PCDHGA12: variants seen among roughly 807,000 people sequenced by gnomAD.
PCDHGA12 encodes the protein protocadherin gamma-A12.
Under a neutral mutation model 61.1 loss-of-function variants are expected in PCDHGA12, and 43 were observed. The ratio of observed to expected loss-of-function variants is 0.70; its 90% CI spans 0.55 to 0.91. The LOEUF is 0.91. PCDHGA12 is among the 40% of genes least tolerant of loss of function. PCDHGA12 has a pLI of 0.00. For missense variants in PCDHGA12, 1,236 were observed against 1,227.7 expected, an observed-to-expected ratio of 1.01 and a Z score of -0.10; for synonymous variants, 520 against 542.9, an observed-to-expected ratio of 0.96 and a Z score of 0.59.
intron 1 of PCDHGA12, among the ~76,000 whole-genome samples, chr5:141,450,815 A>ATTATTAT (rs1554136868): frequency 7.9e-6 from 1 of 126,684 alleles, no homozygotes; most frequent in African/African-American, 3.3e-5. Context: ...TATTTATTTA[A>ATTATTAT]TATTATTATT....
At chr5:141,457,071 C>T in intron 1 of PCDHGA12, among the ~76,000 whole-genome samples, 1 of 152,188 alleles carries the variant, frequency 6.6e-6, no homozygotes, top group Non-Finnish European at 1.5e-5. Context: ...TTGCCAGTAA[C>T]TATTATCCCT....
intron 1 of PCDHGA12, chr5:141,492,036 T>A: frequency 1.9e-6 from 1 of 536,866 alleles, no homozygotes; most frequent in Non-Finnish European, 3.2e-6. Flanking sequence ...GAGGAGGCAG[T>A]CACAGATCCA....
intron 1 of PCDHGA12, among the ~76,000 whole-genome samples, chr5:141,466,540 G>T (rs1302720337): frequency 6.6e-6 from 1 of 152,094 alleles, no homozygotes; most frequent in Non-Finnish European, 1.5e-5. Context: ...GATGTAGATG[G>T]TCTTTTGCTG....
chr5:141,476,756 C>T lies in PCDHGA12; in HGVS notation c.2425-18051C>T. On this transcript the variant is annotated intron_variant, in intron 1 of 3. Transcript: ENST00000252085. The surrounding 1 kb of genome is among the most constrained non-coding windows in gnomAD (Gnocchi z 7.6). ...ACGGGAGCCTAGTCTCCAGTTAGTGCTGACGGCGTTGGACGGAGGGACCCC... is the reference window on the plus strand; with the variant it reads ...ACGGGAGCCTAGTCTCCAGTTAGTGTTGACGGCGTTGGACGGAGGGACCCC... 3 of 1,613,928 alleles carry T rather than the reference C, an allele frequency of 1.9e-6. No homozygotes were observed. Among genetic ancestry groups the T allele is most frequent in the Non-Finnish European group, 2.5e-6 (3 of 1,180,010 alleles).
At position 141,431,215 on chromosome 5, in the gene PCDHGA12, C is replaced by G. The variant is rs1225114172; in HGVS notation, c.456C>G (p.Phe152Leu). 1 of 1,614,184 alleles carries G rather than the reference C, an allele frequency of 6.2e-7. No individual in the cohort carries two copies. Among genetic ancestry groups the G allele is most frequent in the Admixed American group, 1.7e-5 (1 of 60,032 alleles). The change falls in exon 1 of 4, where the codon TTC becomes TTG. Residue 152 changes from phenylalanine (F) to leucine (L), a missense_variant. Physicochemically the swap from Phe to Leu is conservative, Grantham distance 22. Coordinates refer to ENST00000252085, the MANE Select transcript of PCDHGA12 (RefSeq NM_003735.3). This position sits in a 1 kb window ranked among gnomAD's most constrained non-coding sequence, Gnocchi z 4.8. ...AAAATGCAGCCACTGAGATGCGGTTCCCTCTACCCCACGCCTGGGATCCGG... is the reference window on the plus strand; with the variant it reads ...AAAATGCAGCCACTGAGATGCGGTTGCCTCTACCCCACGCCTGGGATCCGG... ...ISENAATEMR[F>L]PLPHAWDPDI...
At chr5:141,469,896 C>T (rs934040636) in intron 1 of PCDHGA12, among the ~76,000 whole-genome samples, 4 of 152,074 alleles carry the variant, frequency 2.6e-5, no homozygotes, top group Admixed American at 6.5e-5. Context: ...TTTGGGAAGC[C>T]GAGGCAGGCA....
At chr5:141,461,861 T>C (rs1445632008) in intron 1 of PCDHGA12, among the ~76,000 whole-genome samples, 8 of 152,182 alleles carry the variant, frequency 5.3e-5, no homozygotes, top group Middle Eastern at 3.4e-3. Flanking sequence ...TTTGCTCTTG[T>C]TGCCCAGGCT....
Position 141,432,485 on chromosome 5 carries a change from G to C in PCDHGA12, c.1726G>C (p.Glu576Gln). 6.2e-7 allele frequency: 1 copy of C among 1,614,186 alleles called. No individual in the cohort carries two copies. The highest frequency in any genetic ancestry group is 8.5e-7 in the Non-Finnish European group (1 of 1,180,040). Residue 576 changes from glutamate to glutamine, a missense_variant, in exon 1 of 4, where the codon GAG (glutamate) becomes CAG (glutamine). Glu to Gln is a conservative substitution (Grantham distance 29). Coordinates refer to ENST00000252085, the MANE Select transcript of PCDHGA12 (RefSeq NM_003735.3). The surrounding 1 kb of genome is among the most constrained non-coding windows in gnomAD (Gnocchi z 6.0). ...CCCCACGGACGGTTCCACTGGCGTG[G>C]AGCTGGCTCCCCGCTCCGCAGAGCC... ...ALPTDGSTGV[E>Q]LAPRSAEPGY...
chr5:141,476,656 T>C lies in PCDHGA12; in HGVS notation c.2425-18151T>C. 1 of 1,614,210 alleles carries C rather than the reference T, an allele frequency of 6.2e-7. No individual in the cohort carries two copies. Among genetic ancestry groups the C allele is most frequent in the Non-Finnish European group, 8.5e-7 (1 of 1,180,044 alleles). On this transcript the variant is annotated intron_variant, in intron 1 of 3. Coordinates refer to ENST00000252085, the MANE Select transcript of PCDHGA12 (RefSeq NM_003735.3). This position sits in a 1 kb window ranked among gnomAD's most constrained non-coding sequence, Gnocchi z 7.6. ...ATGAGCTGAGCCGAAATGAATACTT[T>C]GCGCTTCGCGTGCAGACGCGGGAGG...
rs141514361 is a variant in PCDHGA12, at chr5:141,494,629, A to G, written c.2425-178A>G. 4,666 of 858,664 alleles carry G rather than the reference A, an allele frequency of 5.4e-3. 23 individuals are homozygous for G. Among genetic ancestry groups the G allele is most frequent in the Admixed American group, 0.011 (170 of 16,094 alleles). 53.2% of individuals were successfully genotyped at this position (858,664 alleles called of 1,614,324 possible). On this transcript the variant is annotated intron_variant, in intron 1 of 3. Coordinates refer to ENST00000252085, the MANE Select transcript of PCDHGA12 (RefSeq NM_003735.3). ...TATCTCTTGGTTTCTGGTACCTCAGACCTCTGAGACCTGAGGTGTATTTTG... is the reference window on the plus strand; with the variant it reads ...TATCTCTTGGTTTCTGGTACCTCAGGCCTCTGAGACCTGAGGTGTATTTTG...
chr5:141,490,565 T>C lies in PCDHGA12; in HGVS notation c.2425-4242T>C. ...CTACACAAACATCTCACCATCAGGC[T>C]CAACATTTCAGATGTCAATGACAAT... On this transcript the variant is annotated intron_variant, in intron 1 of 3. Coordinates refer to ENST00000252085, the MANE Select transcript of PCDHGA12 (RefSeq NM_003735.3). This position sits in a 1 kb window ranked among gnomAD's most constrained non-coding sequence, Gnocchi z 5.4. 8 of 1,614,116 alleles carry C rather than the reference T, an allele frequency of 5.0e-6. No individual in the cohort carries two copies. Among genetic ancestry groups the C allele is most frequent in the Non-Finnish European group, 6.8e-6 (8 of 1,180,024 alleles).
Position 141,476,160 on chromosome 5 carries a change from G to A in PCDHGA12, c.2425-18647G>A, listed in dbSNP as rs781765205. 4.3e-6 allele frequency: 7 copies of A among 1,612,858 alleles called. No homozygotes were observed. The highest frequency in any genetic ancestry group is 5.9e-6 in the Non-Finnish European group (7 of 1,179,926). On this transcript the variant is annotated intron_variant, in intron 1 of 3. Coordinates refer to ENST00000252085, the MANE Select transcript of PCDHGA12 (RefSeq NM_003735.3). This position sits in a 1 kb window ranked among gnomAD's most constrained non-coding sequence, Gnocchi z 7.6. ...AGGAGCGGACTGGTAAGCACCGGGA[G>A]GGTAGTGGGAGTTTTGCTTCTGCTT...
In PCDHGA12 at chr5:141,476,178, T is replaced by G; in HGVS notation, c.2425-18629T>G. Reference sequence around the variant, plus strand: ...ACCGGGAGGGTAGTGGGAGTTTTGCTTCTGCTTGGTGCCTTGAACAAGGCT... The same window carrying G: ...ACCGGGAGGGTAGTGGGAGTTTTGCGTCTGCTTGGTGCCTTGAACAAGGCT... On this transcript the variant is annotated intron_variant, in intron 1 of 3. Transcript: ENST00000252085. This position sits in a 1 kb window ranked among gnomAD's most constrained non-coding sequence, Gnocchi z 7.6. The G allele has an allele frequency of 3.1e-6, 5 of 1,613,632 alleles. No homozygotes were observed. Among genetic ancestry groups the G allele is most frequent in the Non-Finnish European group, 4.2e-6 (5 of 1,180,000 alleles).
At chr5:141,448,748 G>A (rs1476665217) in intron 1 of PCDHGA12, among the ~76,000 whole-genome samples, 1 of 151,980 alleles carries the variant, frequency 6.6e-6, no homozygotes, top group Admixed American at 6.6e-5. Context: ...AGACCATCCT[G>A]GCTAACACGG....
intron 1 of PCDHGA12, among the ~76,000 whole-genome samples, chr5:141,443,082 C>A (rs958408385): frequency 6.6e-6 from 1 of 151,624 alleles, no homozygotes; most frequent in African/African-American, 2.4e-5. Flanking sequence ...ACTGAGTGTT[C>A]CAGTCTCCTT....
At position 141,490,132 on chromosome 5, in the gene PCDHGA12, A is replaced by C. The variant is rs1245562757; in HGVS notation, c.2425-4675A>C. On this transcript the variant is annotated intron_variant, in intron 1 of 3. Coordinates refer to ENST00000252085, the MANE Select transcript of PCDHGA12 (RefSeq NM_003735.3). This position sits in a 1 kb window ranked among gnomAD's most constrained non-coding sequence, Gnocchi z 5.4. ...GCGGAACCTCTTTGGCCTAGACCCT[A>C]GCAGTGGGGCAATCCATGTGTTGGG... 6.2e-7 allele frequency: 1 copy of C among 1,614,220 alleles called. No individual in the cohort carries two copies. Among genetic ancestry groups the C allele is most frequent in the South Asian group, 1.1e-5 (1 of 91,088 alleles).
rs556415227 is a variant in PCDHGA12, at chr5:141,476,903, G to A, written c.2425-17904G>A. ...GGAGGATGCACCCTCCGGCACGCGC[G>A]TGGTACAAGTCCTTGCAACGGATCT... On this transcript the variant is annotated intron_variant, in intron 1 of 3. Transcript: ENST00000252085. This position sits in a 1 kb window ranked among gnomAD's most constrained non-coding sequence, Gnocchi z 7.6. The A allele has an allele frequency of 1.4e-5, 22 of 1,614,018 alleles. No homozygotes were observed. In the African/African-American group the frequency reaches 1.7e-4, roughly 13 times the overall value.
Position 141,489,317 on chromosome 5 carries a change from G to T in PCDHGA12, c.2425-5490G>T. ...ATGTTGTCCTTGTGCTGCTGGGGCT[G>T]GGTGTCTGGGCAGCTTCGTTACTCA... is the stretch of plus-strand genomic sequence containing the variant. On this transcript the variant is annotated intron_variant, in intron 1 of 3. Coordinates refer to ENST00000252085, the MANE Select transcript of PCDHGA12 (RefSeq NM_003735.3). The surrounding 1 kb of genome is among the most constrained non-coding windows in gnomAD (Gnocchi z 4.5). 6.3e-7 allele frequency: 1 copy of T among 1,598,654 alleles called. No homozygotes were observed. The highest frequency in any genetic ancestry group is 8.5e-7 in the Non-Finnish European group (1 of 1,171,456).
Position 141,431,352 on chromosome 5 carries a change from G to C in PCDHGA12, c.593G>C (p.Arg198Pro). ...GSKYPELVLK[R>P]ALDREEKAAH... Reference sequence around the variant, plus strand: ...AAGTACCCCGAATTGGTGCTGAAACGCGCCCTGGACCGCGAAGAAAAGGCT... The same window carrying C: ...AAGTACCCCGAATTGGTGCTGAAACCCGCCCTGGACCGCGAAGAAAAGGCT... Residue 198 changes from arginine to proline, a missense_variant, in exon 1 of 4, where the codon CGC (arginine) becomes CCC (proline). Coordinates refer to ENST00000252085, the MANE Select transcript of PCDHGA12 (RefSeq NM_003735.3). This position sits in a 1 kb window ranked among gnomAD's most constrained non-coding sequence, Gnocchi z 4.8. The C allele has an allele frequency of 6.2e-7, 1 of 1,614,044 alleles. No individual in the cohort carries two copies. The highest frequency in any genetic ancestry group is 8.5e-7 in the Non-Finnish European group (1 of 1,180,032).
Sources: gnomAD v4.1 joint callset for allele counts (sites outside exome capture counted in the v4.1 genomes callset) on GRCh38, gnomAD v4.1.1 for gene constraint, Gnocchi (gnomAD v3.1) non-coding constraint, MANE v1.5 for transcripts, NCBI Gene and HGNC (gene_info 2026-07-23, HGNC 2026-07-21) for gene names.